Variants in MED12L observed in about 807,000 individuals in gnomAD.
MED12L encodes mediator complex subunit 12L.
MED12L carries 60 observed loss-of-function variants against 281.3 expected under a neutral mutation model. That is an observed-to-expected ratio of 0.21 (90% CI 0.17 to 0.26). The LOEUF (loss-of-function observed/expected upper bound fraction) is 0.26, where lower values mean the gene tolerates loss of function less well. Ranked by LOEUF, MED12L falls within the 10% of genes least tolerant of loss-of-function variation. The probability of loss-of-function intolerance (pLI) is 1.00; values close to 1 mark genes in which losing one functional copy is unlikely to be tolerated. For synonymous variants in MED12L, 974 were observed against 987.2 expected (o/e 0.99, Z 0.25); for missense variants, 2,146 against 2,680.9 (o/e 0.80, Z 4.41).
intron 16 of MED12L, among the ~76,000 whole-genome samples, chr3:151,283,561 A>G (rs977224127): frequency 6.6e-6 from 1 of 152,174 alleles, no homozygotes; most frequent in Non-Finnish European, 1.5e-5. Context: ...ACATGTCCCT[A>G]ATACCTCAGT....
In MED12L at chr3:151,249,823, G is replaced by C. The variant is rs927041145; in HGVS notation, c.2250+56157G>C. 1.8e-4 allele frequency among the ~76,000 whole-genome samples: 28 copies of C among 152,146 alleles called. 1 individual carries two copies. The South Asian group carries it at 4.8e-3, about 26-fold the overall frequency. ...TGGGGATTTCTGAAATTATGCTCTG[G>C]ATTAATACAGTCATAATACATCTTT... On this transcript the variant is annotated intron_variant, in intron 16 of 44. Transcript: ENST00000687756.
intron 11 of MED12L, among the ~76,000 whole-genome samples, chr3:151,175,023 A>T (rs1721876491): frequency 6.6e-6 from 1 of 152,260 alleles, no homozygotes; most frequent in African/African-American, 2.4e-5. Context: ...ATTATAAAAA[A>T]TGAATACCAT....
At chr3:151,167,726 G>A (rs1414783392) in intron 11 of MED12L, among the ~76,000 whole-genome samples, 1 of 152,168 alleles carries the variant, frequency 6.6e-6, no homozygotes, top group Non-Finnish European at 1.5e-5. Flanking sequence ...ATAATCCTCT[G>A]CTTACTGAGG....
chr3:151,304,374 G>A (rs1310956688), intron 16 of MED12L, among the ~76,000 whole-genome samples: 1 of 152,142 alleles, frequency 6.6e-6, no homozygotes, highest in African/African-American at 2.4e-5. Context: ...AGGAGTTCGA[G>A]ACCAGCGTGG....
chr3:151,138,773 G>A (rs1475546657), intron 5 of MED12L, among the ~76,000 whole-genome samples: 1 of 152,146 alleles, frequency 6.6e-6, no homozygotes, highest in African/African-American at 2.4e-5. Flanking sequence ...GACTATTGAT[G>A]TTAACCTTGA....
chr3:151,151,172 G>A (rs1433309447), intron 5 of MED12L, among the ~76,000 whole-genome samples: 3 of 150,990 alleles, frequency 2.0e-5, no homozygotes, highest in Non-Finnish European at 4.4e-5. Flanking sequence ...TGAATAGCTG[G>A]GACTACAGGC....
chr3:151,302,461 C>T lies in MED12L; in HGVS notation c.2251-47598C>T, dbSNP rs143451371. Reference sequence around the variant, plus strand: ...CTTTTGAATCATGGGAACAATAATACCTACTTTATAGTATCTAGCATCCCT... The same window carrying T: ...CTTTTGAATCATGGGAACAATAATATCTACTTTATAGTATCTAGCATCCCT... On this transcript the variant is annotated intron_variant, in intron 16 of 44. Transcript: ENST00000687756. 8.7e-4 allele frequency among the ~76,000 whole-genome samples: 133 copies of T among 152,238 alleles called. No individual in the cohort carries two copies. In the East Asian group the frequency reaches 0.021, roughly 24 times the overall value.
intron 5 of MED12L, among the ~76,000 whole-genome samples, chr3:151,151,512 C>G (rs775616278): frequency 6.9e-5 from 10 of 144,670 alleles, no homozygotes; most frequent in Non-Finnish European, 1.5e-4. Flanking sequence ...CACTTGAACA[C>G]TTAAAGGTTA....
At chr3:151,404,729 T>G (rs1716088301) in intron 39 of MED12L, among the ~76,000 whole-genome samples, 1 of 152,234 alleles carries the variant, frequency 6.6e-6, no homozygotes, top group Non-Finnish European at 1.5e-5. Flanking sequence ...ATAACTTGTC[T>G]CTCTACTTGT....
intron 16 of MED12L, among the ~76,000 whole-genome samples, chr3:151,210,051 CAT>C (rs1378423160): frequency 6.6e-6 from 1 of 152,182 alleles, no homozygotes; most frequent in Non-Finnish European, 1.5e-5. Flanking sequence ...AATTTCAACT[CAT>C]AGGGTGCTTT....
intron 16 of MED12L, among the ~76,000 whole-genome samples, chr3:151,258,084 A>G (rs912327677): frequency 2.6e-5 from 4 of 152,160 alleles, no homozygotes; most frequent in African/African-American, 9.7e-5. Flanking sequence ...TACCATTCCA[A>G]TCTGTGGGTC....
At chr3:151,350,863 A>G (rs941723989) in intron 17 of MED12L, among the ~76,000 whole-genome samples, 1 of 152,204 alleles carries the variant, frequency 6.6e-6, no homozygotes, top group African/African-American at 2.4e-5. Flanking sequence ...ACCACATTGC[A>G]TAATTGGAAT....
chr3:151,090,215 T>G (rs1258134989), intron 2 of MED12L, among the ~76,000 whole-genome samples: 2 of 152,110 alleles, frequency 1.3e-5, no homozygotes, highest in Non-Finnish European at 2.9e-5. Context: ...CTATACTTCA[T>G]TTTCCTTCCA....
intron 2 of MED12L, among the ~76,000 whole-genome samples, chr3:151,115,886 C>T (rs1712694271): frequency 6.6e-6 from 1 of 151,118 alleles, no homozygotes; most frequent in Non-Finnish European, 1.5e-5. Context: ...GGTGAAACCC[C>T]ATCTCTACTA....
chr3:151,189,474 G>C (rs1024632466), intron 13 of MED12L, among the ~76,000 whole-genome samples: 5 of 152,122 alleles, frequency 3.3e-5, no homozygotes, highest in Admixed American at 6.5e-5. Context: ...TTGTACCCTG[G>C]GGGAGACAGA....
chr3:151,188,641 CT>C (rs749406903), intron 13 of MED12L, among the ~76,000 whole-genome samples, 161 bp downstream of exon 13: 1 of 151,948 alleles, frequency 6.6e-6, no homozygotes, highest in Non-Finnish European at 1.5e-5. Context: ...TTCATGGAGA[CT>C]TTTAGGCAAT....
intron 16 of MED12L, among the ~76,000 whole-genome samples, chr3:151,309,468 G>A (rs1157712427): frequency 1.3e-5 from 2 of 152,098 alleles, no homozygotes; most frequent in African/African-American, 2.4e-5. Context: ...AGGTGATGAG[G>A]ACCTCCTGAC....
intron 16 of MED12L, chr3:151,269,365 A>C (rs1287367103): frequency 6.1e-6 from 1 of 163,508 alleles, no homozygotes; most frequent in Non-Finnish European, 1.3e-5. Context: ...GTGCCATTGC[A>C]CTCCAGCCTG....
chr3:151,237,924 CTTCTT>C (rs1733250983), intron 16 of MED12L, among the ~76,000 whole-genome samples: 1 of 152,068 alleles, frequency 6.6e-6, no homozygotes, highest in African/African-American at 2.4e-5. Context: ...GATTTGTAGA[CTTCTT>C]TGAATATTGT....
Sources: allele counts gnomAD v4.1 joint callset (sites outside exome capture counted in the v4.1 genomes callset), GRCh38; gene constraint gnomAD v4.1.1; transcripts MANE v1.5; gene names NCBI Gene and HGNC (gene_info 2026-07-23, HGNC 2026-07-21).